ZNF467: variants seen among roughly 807,000 people sequenced by gnomAD.
The protein encoded by ZNF467 is zinc finger protein 467, also known as zinc finger protein EZI.
ZNF467 carries 51 observed loss-of-function variants against 47.8 expected under a neutral mutation model. The observed-to-expected ratio is 1.07, with a 90% CI of 0.85 to 1.35. The LOEUF (loss-of-function observed/expected upper bound fraction) is 1.35. ZNF467 is among the 40% of genes most tolerant of loss of function. ZNF467 has a pLI of 0.00. For synonymous variants in ZNF467, 416 were observed against 372.9 expected (o/e 1.12, Z -1.33); for missense variants, 992 against 858.1 (o/e 1.16, Z -1.95).
At chr7:149,776,339 T>C (rs753225159), upstream of ZNF467, 1 of 1,359,706 alleles carries the variant, frequency 7.4e-7, no homozygotes, top group Admixed American at 1.9e-5. Flanking sequence ...TTCCCCATCA[T>C]GGGCAGGCGG....
upstream of ZNF467, chr7:149,776,433 C>T: frequency 1.5e-6 from 2 of 1,354,142 alleles, no homozygotes; most frequent in Non-Finnish European, 9.8e-7. Flanking sequence ...CCAGCCTCGA[C>T]CATTACAGCC....
Position 149,765,194 on chromosome 7 carries a change from G to T in ZNF467, c.1308C>A (p.Cys436Ter). 1 of 1,504,290 alleles carries T rather than the reference G, an allele frequency of 6.6e-7. No homozygotes were observed. 93.2% of individuals were successfully genotyped at this position (1,504,290 alleles called of 1,614,324 possible). ...GCTGCCCATGGGAGAAGCCGCGCCC[G>T]CAGTCCGGGCAGAAGAAGGACCGCT... Reference protein sequence around the residue: ...SGERSFFCPDCGRGFSHGQHL... With the variant: ...SGERSFFCPD The change falls in exon 5 of 5, where the codon TGC becomes TGA. Residue 436 changes from cysteine (C) to a stop codon, truncating the protein, a stop_gained. Coordinates refer to ENST00000302017, the MANE Select transcript of ZNF467 (RefSeq NM_207336.3). LOFTEE classifies it high-confidence loss of function.
rs1263548474 is a variant in ZNF467 at position 149,765,187 on chromosome 7, C to G, written c.1315G>C (p.Gly439Arg). 6.6e-7 allele frequency: 1 copy of G among 1,504,024 alleles called. No individual in the cohort carries two copies. The highest frequency in any genetic ancestry group is 2.1e-5 in the Admixed American group (1 of 46,768). 93.2% of individuals were successfully genotyped at this position (1,504,024 alleles called of 1,614,324 possible). The change falls in exon 5 of 5, where the codon GGC becomes CGC. Residue 439 changes from glycine (G) to arginine (R), a missense_variant. Physicochemically the swap from Gly to Arg is moderately radical, Grantham distance 125 (BLOSUM62 -2). Transcript: ENST00000302017. Reference sequence around the variant, plus strand: ...GCCAGGTGCTGCCCATGGGAGAAGCCGCGCCCGCAGTCCGGGCAGAAGAAG... The same window carrying G: ...GCCAGGTGCTGCCCATGGGAGAAGCGGCGCCCGCAGTCCGGGCAGAAGAAG... ...RSFFCPDCGR[G>R]FSHGQHLARH...
At chr7:149,771,833 C>T (rs561916497) in intron 1 of ZNF467, among the ~76,000 whole-genome samples, 2 of 150,232 alleles carry the variant, frequency 1.3e-5, no homozygotes, top group South Asian at 4.2e-4. Context: ...CTCGGCTCCG[C>T]CCCCGGCCCC....
rs1217875322 is a variant in ZNF467 at position 149,764,945 on chromosome 7, G to A, written c.1557C>T (p.Val519=). 6.3e-7 allele frequency: 1 copy of A among 1,580,980 alleles called. No homozygotes were observed. The highest frequency in any genetic ancestry group is 2.3e-5 in the East Asian group (1 of 44,310). Residue 519 remains valine, a synonymous_variant, in exon 5 of 5, where the codon GTC becomes GTT. Coordinates refer to ENST00000302017, the MANE Select transcript of ZNF467 (RefSeq NM_207336.3). ...HTGSRPHACA[V]CARSFSSKTN... ...TTTTGGAGCTGAAGCTGCGGGCGCAGACGGCGCAGGCGTGGGGGCGGCTGC... is the reference window on the plus strand; with the variant it reads ...TTTTGGAGCTGAAGCTGCGGGCGCAAACGGCGCAGGCGTGGGGGCGGCTGC...
At position 149,764,489 on chromosome 7, in the gene ZNF467, A is replaced by T; in HGVS notation, c.*225T>A. 1.2e-6 allele frequency: 1 copy of T among 836,212 alleles called. No homozygotes were observed. The highest frequency in any genetic ancestry group is 1.9e-6 in the Non-Finnish European group (1 of 513,914). The allele number at this position is 836,212 out of a possible 1,614,324, so 51.8% of individuals were successfully genotyped here. On this transcript the variant is annotated 3_prime_UTR_variant, in exon 5 of 5. Coordinates refer to ENST00000302017, the MANE Select transcript of ZNF467 (RefSeq NM_207336.3). ...GGGGCACCTGGGTGGGAGCCTTCCA[A>T]GAACTTCAGCTCAGCGGTTCCCAGC...
chr7:149,766,079 C>T lies in ZNF467; in HGVS notation c.423G>A (p.Pro141=), dbSNP rs1167842679. Residue 141 remains proline (P), a synonymous_variant, in exon 5 of 5, where the codon CCG becomes CCA. Transcript: ENST00000302017. ...ACAGCGCGAGCCCACTCAGTGCCCC[C>T]GGGGCCCCTGGCTCCAGTTTGTACG... ...AAAYKLEPGA[P]GALSGLALSG... is the part of the protein sequence containing the mutation. 1.2e-6 allele frequency: 2 copies of T among 1,609,690 alleles called. No individual in the cohort carries two copies. The highest frequency in any genetic ancestry group is 1.3e-5 in the African/African-American group (1 of 74,850).
chr7:149,771,310 C>G (rs758472001), intron 1 of ZNF467, among the ~76,000 whole-genome samples: 15 of 152,224 alleles, frequency 9.9e-5, no homozygotes, highest in African/African-American at 3.6e-4. Flanking sequence ...AGCCGCGCCA[C>G]CCCCTCACCT....
In ZNF467 at chr7:149,764,317, G is replaced by A. The variant is rs1799069421; in HGVS notation, c.*397C>T. On this transcript the variant is annotated 3_prime_UTR_variant, in exon 5 of 5. Transcript: ENST00000302017. ...GGATGGAGGTGGGACAGTGGCTAAG[G>A]AGAGTCAGGTGTTCCCTCCCCCAAT... 6.2e-5 allele frequency: 28 copies of A among 450,198 alleles called. No individual in the cohort carries two copies. Among genetic ancestry groups the A allele is most frequent in the South Asian group, 2.0e-4 (4 of 20,292 alleles). The allele number at this position is 450,198 out of a possible 1,614,324, so 27.9% of individuals were successfully genotyped here.
rs1159475017 is a variant in ZNF467, at chr7:149,769,906, G to A, written c.151+534C>T. 1.3e-5 allele frequency among the ~76,000 whole-genome samples: 2 copies of A among 152,042 alleles called. No individual in the cohort carries two copies. The highest frequency in any genetic ancestry group is 3.9e-4 in the East Asian group (2 of 5,182). ...TGTTGCCTAGGCTGGTCTCGAATGG[G>A]GCTCAAGCAATCCTTCCACCTTGGC... On this transcript the variant is annotated intron_variant, in intron 3 of 4. Coordinates refer to ENST00000302017, the MANE Select transcript of ZNF467 (RefSeq NM_207336.3). The surrounding 1 kb of genome is among the most constrained non-coding windows in gnomAD (Gnocchi z 5.3).
intron 4 of ZNF467, 72 bp from the exon 5 acceptor site, chr7:149,766,311 A>G (rs1799219887): frequency 5.3e-6 from 8 of 1,504,570 alleles, no homozygotes; most frequent in Non-Finnish European, 7.1e-6. Flanking sequence ...CAGGATCTCC[A>G]CTTCCTGGAG....
chr7:149,764,988 T>C lies in ZNF467; in HGVS notation c.1514A>G (p.His505Arg). ...GCGGCTGCCAGTGTGCACCGCCTGG[T>C]GGCGGCCCAGGTGCGACTTGCGGCT... ...RFSRKSHLGR[H>R]QAVHTGSRPH... The change falls in exon 5 of 5, where the codon CAC becomes CGC. Residue 505 changes from histidine (H) to arginine (R), a missense_variant. Physicochemically the swap from His to Arg is conservative, Grantham distance 29. Coordinates refer to ENST00000302017, the MANE Select transcript of ZNF467 (RefSeq NM_207336.3). 1 of 1,591,500 alleles carries C rather than the reference T, an allele frequency of 6.3e-7. No individual in the cohort carries two copies. Among genetic ancestry groups the C allele is most frequent in the Non-Finnish European group, 8.5e-7 (1 of 1,174,724 alleles).
rs1585959323 is a variant in ZNF467, at chr7:149,771,881, A to C, written c.-42-807T>G. 8.2e-5 allele frequency among the ~76,000 whole-genome samples: 5 copies of C among 60,820 alleles called. No homozygotes were observed. In the South Asian group the frequency reaches 1.9e-3, roughly 23 times the overall value. The allele number at this position is 60,820 out of a possible 152,430, so 39.9% of individuals were successfully genotyped here. On this transcript the variant is annotated intron_variant, in intron 1 of 4. Transcript: ENST00000302017. ...CCGCCCGCCCGAGCCCGGCAGGGCC[A>C]ACCCCTCGAGGCCCCGTCCGGGTCG...
At chr7:149,776,445 C>T, upstream of ZNF467, 1 of 1,349,012 alleles carries the variant, frequency 7.4e-7, no homozygotes, top group Non-Finnish European at 9.9e-7. Flanking sequence ...ATTACAGCCG[C>T]CTGGGCTGGC....
chr7:149,770,449 C>T lies in ZNF467; in HGVS notation c.142G>A (p.Val48Met), dbSNP rs374899091. Reference sequence around the variant, plus strand: ...GGTTCCTGTTACCTACCTGAGCACACCCCCAGTGCTCTCTCTTCCCTAGAA... The same window carrying T: ...GGTTCCTGTTACCTACCTGAGCACATCCCCAGTGCTCTCTCTTCCCTAGAA... ...SSSREERALG[V>M]CSGHEAPTPE... is the part of the protein sequence containing the mutation. Residue 48 changes from valine to methionine, a missense_variant, in exon 3 of 5, where the codon GTG becomes ATG. Val to Met is a conservative substitution (Grantham distance 21). Coordinates refer to ENST00000302017, the MANE Select transcript of ZNF467 (RefSeq NM_207336.3). The T allele has an allele frequency of 4.3e-6, 7 of 1,610,472 alleles. No homozygotes were observed. The highest frequency in any genetic ancestry group is 4.0e-5 in the African/African-American group (3 of 74,792).
rs1425627492 is a variant in ZNF467, at chr7:149,769,345, G to A, written c.152-145C>T. On this transcript the variant is annotated intron_variant, in intron 3 of 4. Transcript: ENST00000302017. This position sits in a 1 kb window ranked among gnomAD's most constrained non-coding sequence, Gnocchi z 5.3. Reference sequence around the variant, plus strand: ...CTCCCACATCCTACCTGAATTAAGGGGCTGAGTTCCCAGCTTCCCTGGGGC... The same window carrying A: ...CTCCCACATCCTACCTGAATTAAGGAGCTGAGTTCCCAGCTTCCCTGGGGC... 1.4e-6 allele frequency: 1 copy of A among 717,256 alleles called. No homozygotes were observed. The highest frequency in any genetic ancestry group is 1.8e-5 in the African/African-American group (1 of 55,708). 44.4% of individuals were successfully genotyped at this position (717,256 alleles called of 1,614,324 possible). A position where few individuals can be genotyped will look rare whatever the true frequency, so the allele number is the denominator to read the frequency against.
Position 149,766,002 on chromosome 7 carries a change from C to T in ZNF467, c.500G>A (p.Arg167Gln). The T allele has an allele frequency of 6.4e-7, 1 of 1,563,096 alleles. No individual in the cohort carries two copies. The stretch of plus-strand genomic sequence containing the variant: ...CAACGTCAGCTGGTCCCGGAAGCGC[C>T]GCTCACACTCCCCGCAGCCGTAGGG... Reference protein sequence around the residue: ...EKPYGCGECERRFRDQLTLRL... With the variant: ...EKPYGCGECEQRFRDQLTLRL... The change falls in exon 5 of 5, where the codon CGG becomes CAG. Residue 167 changes from arginine to glutamine, a missense_variant. Coordinates refer to ENST00000302017, the MANE Select transcript of ZNF467 (RefSeq NM_207336.3).
chr7:149,770,434 AC>A lies in ZNF467; in HGVS notation c.151+5del, dbSNP rs1799362973. On this transcript the variant is annotated splice_donor_5th_base_variant and intron_variant, in intron 3 of 4. Coordinates refer to ENST00000302017, the MANE Select transcript of ZNF467 (RefSeq NM_207336.3). ...CCTGAGCCTTTCCAGGGTTCCTGTT[AC>A]CTACCTGAGCACACCCCCAGTGCTC... The A allele has an allele frequency of 2.1e-5, 34 of 1,598,670 alleles. No individual in the cohort carries two copies. The highest frequency in any genetic ancestry group is 2.9e-5 in the Non-Finnish European group (34 of 1,171,224).
At position 149,766,195 on chromosome 7, in the gene ZNF467, G is replaced by C. The variant is rs779803246; in HGVS notation, c.307C>G (p.Gln103Glu). 2.6e-6 allele frequency: 4 copies of C among 1,541,462 alleles called. No individual in the cohort carries two copies. Among genetic ancestry groups the C allele is most frequent in the Middle Eastern group, 1.8e-4 (1 of 5,696 alleles). ...IRKVKVEDED[Q>E]EAEEEVEWPQ... ...CATTCGACCTCCTCTTCTGCCTCCT[G>C]ATCTTCGTCCTCCACCTTCACCTTC... The change falls in exon 5 of 5, where the codon CAG (glutamine) becomes GAG (glutamate). Residue 103 changes from glutamine (Q) to glutamate (E), a missense_variant. Coordinates refer to ENST00000302017, the MANE Select transcript of ZNF467 (RefSeq NM_207336.3).
Sources: allele counts gnomAD v4.1 joint callset (sites outside exome capture counted in the v4.1 genomes callset), GRCh38; gene constraint gnomAD v4.1.1; non-coding constraint Gnocchi (gnomAD v3.1); transcripts MANE v1.5; gene names NCBI Gene and HGNC (gene_info 2026-07-23, HGNC 2026-07-21).